FAM83B: variants seen among roughly 807,000 people sequenced by gnomAD.
FAM83B encodes the protein protein FAM83B.
A neutral mutation model predicts 38.8 loss-of-function variants in FAM83B; 26 were observed. The ratio of observed to expected loss-of-function variants is 0.67; its 90% confidence interval spans 0.49 to 0.93. The LOEUF (loss-of-function observed/expected upper bound fraction) is 0.93, where lower values mean the gene tolerates loss of function less well. Among genes scored for constraint, FAM83B ranks in the 40% least tolerant of loss-of-function variants. FAM83B has a pLI of 0.00. For synonymous variants in FAM83B, 419 were observed against 423.1 expected, an observed-to-expected ratio of 0.99 and a Z score of 0.12; for missense variants, 1,237 against 1,197.3, an observed-to-expected ratio of 1.03 and a Z score of -0.49.
At chr6:54,914,263 A>C (rs945929098) in intron 2 of FAM83B, among the ~76,000 whole-genome samples, 1 of 152,306 alleles carries the variant, frequency 6.6e-6, no homozygotes, top group African/African-American at 2.4e-5. Context: ...TATGTGTTGT[A>C]TAACATTGCT....
At chr6:54,931,019 G>C (rs1159631889) in intron 4 of FAM83B, among the ~76,000 whole-genome samples, 1 of 151,938 alleles carries the variant, frequency 6.6e-6, no homozygotes, top group Non-Finnish European at 1.5e-5. Context: ...TTTGTCTCAA[G>C]GTATTTTCTA....
At chr6:54,928,311 G>A (rs1367986337) in intron 4 of FAM83B, among the ~76,000 whole-genome samples, 4 of 152,178 alleles carry the variant, frequency 2.6e-5, no homozygotes, top group Non-Finnish European at 5.9e-5. Flanking sequence ...TGTGTAAGGC[G>A]AAACCTTTGT....
At chr6:54,861,357 C>A (rs1406065177) in intron 1 of FAM83B, among the ~76,000 whole-genome samples, 1 of 152,082 alleles carries the variant, frequency 6.6e-6, no homozygotes, top group East Asian at 1.9e-4. Context: ...GAGTTTGAGA[C>A]CAGCCTGGCC....
intron 1 of FAM83B, among the ~76,000 whole-genome samples, chr6:54,851,503 C>T (rs1771287019): frequency 6.6e-6 from 1 of 152,088 alleles, no homozygotes; most frequent in South Asian, 2.1e-4. Context: ...GACACAGTCT[C>T]ACTCTGTTGC....
In FAM83B at chr6:54,941,457, G is replaced by C; in HGVS notation, c.2486G>C (p.Arg829Thr). 6.2e-7 allele frequency: 1 copy of C among 1,613,432 alleles called. No homozygotes were observed. Among genetic ancestry groups the C allele is most frequent in the Non-Finnish European group, 8.5e-7 (1 of 1,179,894 alleles). Reference sequence around the variant, plus strand: ...GACACAAAAGTTGATTCATCTCCTAGAAGAAAGCATTCTTCCTCATCGAAT... The same window carrying C: ...GACACAAAAGTTGATTCATCTCCTACAAGAAAGCATTCTTCCTCATCGAAT... ...KSDTKVDSSPRRKHSSSSNSQ... is the reference protein window; with the variant it reads ...KSDTKVDSSPTRKHSSSSNSQ... Residue 829 changes from arginine to threonine, a missense_variant, in exon 5 of 5, where the codon AGA (arginine) becomes ACA (threonine). Coordinates refer to ENST00000306858, the MANE Select transcript of FAM83B (RefSeq NM_001010872.3).
intron 1 of FAM83B, 76 bp from the exon 2 acceptor site, chr6:54,870,111 A>G (rs1771807482): frequency 1.1e-5 from 7 of 643,670 alleles, no homozygotes; most frequent in Non-Finnish European, 1.6e-5. Context: ...TGAAAAAATA[A>G]TAGTTGATAT....
intron 4 of FAM83B, among the ~76,000 whole-genome samples, chr6:54,932,286 A>C (rs1773438930): frequency 6.6e-6 from 1 of 152,198 alleles, no homozygotes; most frequent in African/African-American, 2.4e-5. Flanking sequence ...TGCTGGGATT[A>C]CAGGCGTAAG....
intron 1 of FAM83B, among the ~76,000 whole-genome samples, chr6:54,848,106 G>A (rs115030888): frequency 2.7e-5 from 4 of 148,408 alleles, no homozygotes; most frequent in African/African-American, 1.0e-4. Flanking sequence ...TTATTGGAGT[G>A]GGGGTGGGGG....
At chr6:54,889,865 A>G (rs1031242907) in intron 2 of FAM83B, among the ~76,000 whole-genome samples, 1 of 152,236 alleles carries the variant, frequency 6.6e-6, no homozygotes, top group Admixed American at 6.5e-5. Context: ...TCATGGCTTT[A>G]AAGCCTTAAA....
chr6:54,887,598 A>C (rs939921374), intron 2 of FAM83B, among the ~76,000 whole-genome samples: 6 of 151,738 alleles, frequency 4.0e-5, no homozygotes, highest in Non-Finnish European at 5.9e-5. Context: ...TAATTATTTT[A>C]TTTTTAAAGG....
intron 1 of FAM83B, among the ~76,000 whole-genome samples, chr6:54,851,597 C>T (rs570723179): frequency 1.7e-4 from 25 of 150,846 alleles, no homozygotes; most frequent in Non-Finnish European, 2.7e-4. Context: ...CTCAGCCTCC[C>T]GAGTAGCTGG....
intron 2 of FAM83B, among the ~76,000 whole-genome samples, chr6:54,923,896 T>A (rs976321629): frequency 6.6e-6 from 1 of 151,460 alleles, no homozygotes; most frequent in African/African-American, 2.4e-5. Flanking sequence ...TGCACTAGAC[T>A]CTATACCTTA....
At chr6:54,865,347 C>G (rs889547907) in intron 1 of FAM83B, among the ~76,000 whole-genome samples, 1 of 152,180 alleles carries the variant, frequency 6.6e-6, no homozygotes, top group African/African-American at 2.4e-5. Context: ...GTGTCTGTCT[C>G]TGTGTCCCCT....
At chr6:54,854,367 G>A (rs566430869) in intron 1 of FAM83B, among the ~76,000 whole-genome samples, 4 of 152,260 alleles carry the variant, frequency 2.6e-5, no homozygotes, top group Admixed American at 6.5e-5. Flanking sequence ...CAGAGAAATC[G>A]TTTGTGAAAG....
chr6:54,931,103 A>G (rs1316062276), intron 4 of FAM83B, among the ~76,000 whole-genome samples: 1 of 152,140 alleles, frequency 6.6e-6, no homozygotes, highest in Non-Finnish European at 1.5e-5. Context: ...ATATCTGTGA[A>G]CTTTCCAATT....
At position 54,944,289 on chromosome 6, in the gene FAM83B, A is replaced by T. The variant is rs1475986505; in HGVS notation, c.*2282A>T. 1.3e-5 allele frequency: 2 copies of T among 152,106 alleles called. No individual in the cohort carries two copies. The highest frequency in any genetic ancestry group is 2.9e-5 in the Non-Finnish European group (2 of 68,014). The allele number at this position is 152,106 out of a possible 1,614,324, so 9.4% of individuals were successfully genotyped here. ...ATACTTTCTGTCTTTTTTTCCCCAT[A>T]TTAATATTGGGGGGCGGATAATATC... On this transcript the variant is annotated 3_prime_UTR_variant, in exon 5 of 5. Coordinates refer to ENST00000306858, the MANE Select transcript of FAM83B (RefSeq NM_001010872.3).
intron 2 of FAM83B, among the ~76,000 whole-genome samples, chr6:54,906,233 C>G (rs992937099): frequency 7.9e-5 from 12 of 151,950 alleles, no homozygotes; most frequent in African/African-American, 2.9e-4. Context: ...TCATTTATAC[C>G]ATTAAGAGCA....
intron 4 of FAM83B, among the ~76,000 whole-genome samples, chr6:54,936,017 G>A (rs1773517063): frequency 6.6e-6 from 1 of 151,970 alleles, no homozygotes; most frequent in African/African-American, 2.4e-5. Context: ...GGTAGAGATT[G>A]GACACAGATT....
At chr6:54,910,020 T>C (rs1197458697) in intron 2 of FAM83B, among the ~76,000 whole-genome samples, 1 of 152,198 alleles carries the variant, frequency 6.6e-6, no homozygotes, top group African/African-American at 2.4e-5. Context: ...CTGAATATCA[T>C]TGTAAAGAAT....
Sources: allele counts gnomAD v4.1 joint callset (sites outside exome capture counted in the v4.1 genomes callset), GRCh38; gene constraint gnomAD v4.1.1; transcripts MANE v1.5; gene names NCBI Gene and HGNC (gene_info 2026-07-23, HGNC 2026-07-21).